The following STAT3 variants were observed in gnomAD, a reference collection of about 807,000 sequenced individuals.
The protein encoded by STAT3 is DNA-binding protein APRF.
STAT3 carries 7 observed loss-of-function variants against 114.3 expected under a neutral mutation model. That is an observed-to-expected ratio of 0.06 (90% confidence interval 0.03 to 0.11). The LOEUF (loss-of-function observed/expected upper bound fraction) is 0.11. STAT3 is among the 10% of genes least tolerant of loss of function. STAT3 has a pLI of 1.00. For missense variants in STAT3, 364 were observed against 960.9 expected (o/e 0.38, Z 8.21); for synonymous variants, 331 against 354.5 (o/e 0.93, Z 0.74).
chr17:42,315,219 T>C lies in STAT3; in HGVS notation c.*526A>G. ...AGTGTTTTTTGCCCTTTAATTGTTA[T>C]TATTTCTTAATTTAAAAAGAAACCT... is the stretch of plus-strand genomic sequence containing the variant. On this transcript the variant is annotated 3_prime_UTR_variant, in exon 24 of 24. Transcript: ENST00000264657. 1 of 250,618 alleles carries C rather than the reference T, an allele frequency of 4.0e-6. No individual in the cohort carries two copies. Among genetic ancestry groups the C allele is most frequent in the African/African-American group, 2.2e-5 (1 of 45,254 alleles). The allele number at this position is 250,618 out of a possible 1,614,324, so 15.5% of individuals were successfully genotyped here.
chr17:42,379,120 G>A (rs1316748109), intron 1 of STAT3, among the ~76,000 whole-genome samples: 1 of 152,072 alleles, frequency 6.6e-6, no homozygotes, highest in Non-Finnish European at 1.5e-5. Context: ...TTCAGAAATG[G>A]CTTCTACAAA....
Position 42,345,549 on chromosome 17 carries a change from C to A in STAT3, c.372+10G>T. ...CCCAGACCAGGGATTTGTTTTGTCT[C>A]AGGTCTCACCTGGGCCGCAGTGGCT... On this transcript the variant is annotated intron_variant, in intron 4 of 23. Transcript: ENST00000264657. 1.3e-6 allele frequency: 2 copies of A among 1,595,428 alleles called. No individual in the cohort carries two copies. The highest frequency in any genetic ancestry group is 2.3e-5 in the East Asian group (1 of 44,040).
At chr17:42,344,679 A>G (rs146534676) in intron 4 of STAT3, among the ~76,000 whole-genome samples, 4,107 of 150,516 alleles carry the variant, frequency 0.027, 86 homozygotes, top group African/African-American at 0.054. Context: ...AGATGGCACC[A>G]CTGCACTCCA....
At chr17:42,323,382 A>G in intron 18 of STAT3, 28 bp from the exon 19 acceptor site, 1 of 1,611,592 alleles carries the variant, frequency 6.2e-7, no homozygotes, top group Non-Finnish European at 8.5e-7. Context: ...GGGAAAGCCA[A>G]GTCTACTGCC....
At chr17:42,356,292 T>C (rs2083221677) in intron 1 of STAT3, among the ~76,000 whole-genome samples, 2 of 151,982 alleles carry the variant, frequency 1.3e-5, no homozygotes, top group South Asian at 4.1e-4. Context: ...CATCCCACTA[T>C]GCAGAACAAA....
chr17:42,365,136 A>C (rs778242605), intron 1 of STAT3, among the ~76,000 whole-genome samples: 2 of 152,208 alleles, frequency 1.3e-5, no homozygotes, highest in African/African-American at 4.8e-5. Flanking sequence ...AGCTAAGTCC[A>C]TAACTGTTCC....
intron 1 of STAT3, among the ~76,000 whole-genome samples, chr17:42,383,972 A>G (rs1018363329): frequency 6.6e-6 from 1 of 152,196 alleles, no homozygotes; most frequent in African/African-American, 2.4e-5. Flanking sequence ...GTCAGACTCC[A>G]GTTAATAACT....
At position 42,323,228 on chromosome 17, in the gene STAT3, G is replaced by A. The variant is rs747111148; in HGVS notation, c.1748+32C>T. 12 of 1,613,942 alleles carry A rather than the reference G, an allele frequency of 7.4e-6. No individual in the cohort carries two copies. The African/African-American group carries it at 8.0e-5, about 11-fold the overall frequency. On this transcript the variant is annotated intron_variant, in intron 19 of 23. Coordinates refer to ENST00000264657, the MANE Select transcript of STAT3 (RefSeq NM_139276.3). ...CTGGCTTGCTGAGAGCAGGGGACTT[G>A]GTTACATCTGTGCACACTCTGTCCA... is the stretch of plus-strand genomic sequence containing the variant.
chr17:42,329,540 C>T lies in STAT3; in HGVS notation c.1233+14G>A, dbSNP rs2144771285. The T allele has an allele frequency of 1.9e-6, 3 of 1,614,108 alleles. No homozygotes were observed. Among genetic ancestry groups the T allele is most frequent in the Non-Finnish European group, 2.5e-6 (3 of 1,179,956 alleles). On this transcript the variant is annotated intron_variant, in intron 13 of 23. Coordinates refer to ENST00000264657, the MANE Select transcript of STAT3 (RefSeq NM_139276.3). ...GCCAGAGGCCCTTTGTGAAGGGGAG[C>T]TCCTCCCACATACCAAGTGTTTGAA...
intron 1 of STAT3, among the ~76,000 whole-genome samples, chr17:42,377,441 T>C (rs1413971614): frequency 2.6e-5 from 4 of 152,158 alleles, no homozygotes; most frequent in Non-Finnish European, 5.9e-5. Flanking sequence ...TTGCATTGAG[T>C]ATTCTCTAAG....
chr17:42,316,482 G>A (rs2081254955), intron 23 of STAT3: 2 of 545,562 alleles, frequency 3.7e-6, no homozygotes, highest in African/African-American at 1.9e-5. Flanking sequence ...GCCTCCCAAA[G>A]TGCTGGGATT....
intron 4 of STAT3, among the ~76,000 whole-genome samples, chr17:42,343,694 C>G (rs577590489): frequency 6.6e-6 from 1 of 152,212 alleles, no homozygotes; most frequent in Admixed American, 6.5e-5. Context: ...ACCTCATGAT[C>G]TGCCCACCTT....
chr17:42,316,191 G>T, intron 23 of STAT3: 1 of 655,248 alleles, frequency 1.5e-6, no homozygotes, highest in Non-Finnish European at 2.1e-6. Flanking sequence ...TAAAGGCTTA[G>T]TATGAAAAAA....
chr17:42,337,183 T>C lies in STAT3; in HGVS notation c.797+252A>G, dbSNP rs2082264347. 6.6e-6 allele frequency among the ~76,000 whole-genome samples: 1 copy of C among 152,162 alleles called. No homozygotes were observed. Among genetic ancestry groups the C allele is most frequent in the Non-Finnish European group, 1.5e-5 (1 of 68,020 alleles). The stretch of plus-strand genomic sequence containing the variant: ...TTTTAGTAGAGATGTGTTTTCACCA[T>C]GTTGGCCAGGCTGGTCTCAAACTCC... On this transcript the variant is annotated intron_variant, in intron 8 of 23. Coordinates refer to ENST00000264657, the MANE Select transcript of STAT3 (RefSeq NM_139276.3). This position sits in a 1 kb window ranked among gnomAD's most constrained non-coding sequence, Gnocchi z 4.0.
intron 21 of STAT3, among the ~76,000 whole-genome samples, chr17:42,320,947 TTGTG>T (rs112139000): frequency 0.24 from 34,534 of 146,808 alleles, 4,318 homozygotes; most frequent in East Asian, 0.36. Flanking sequence ...TTTCTCTTCT[TTGTG>T]TGTGTGTGTG....
intron 1 of STAT3, among the ~76,000 whole-genome samples, chr17:42,361,413 G>GCCT (rs2083500331): frequency 1.3e-5 from 2 of 151,736 alleles, no homozygotes; most frequent in African/African-American, 4.8e-5. Flanking sequence ...AACCCGGGAG[G>GCCT]CGGAGGTTGC....
chr17:42,355,746 T>G (rs2145100036), intron 1 of STAT3, among the ~76,000 whole-genome samples: 1 of 152,320 alleles, frequency 6.6e-6, no homozygotes, highest in South Asian at 2.1e-4. Flanking sequence ...CTCATTTATA[T>G]ACTTGAATCT....
At chr17:42,331,805 G>A (rs1027437442) in intron 10 of STAT3, among the ~76,000 whole-genome samples, 8 of 152,120 alleles carry the variant, frequency 5.3e-5, no homozygotes, top group African/African-American at 1.9e-4. Flanking sequence ...GCATGTACCT[G>A]TAGTCGCAGT....
At chr17:42,366,178 A>ACCC (rs1206374370) in intron 1 of STAT3, among the ~76,000 whole-genome samples, 4 of 151,774 alleles carry the variant, frequency 2.6e-5, no homozygotes, top group Non-Finnish European at 5.9e-5. Context: ...TCCAAAGCCA[A>ACCC]CCCCTTCATT....
Sources: allele counts gnomAD v4.1 joint callset (sites outside exome capture counted in the v4.1 genomes callset), GRCh38; gene constraint gnomAD v4.1.1; non-coding constraint Gnocchi (gnomAD v3.1); transcripts MANE v1.5; gene names NCBI Gene and HGNC (gene_info 2026-07-23, HGNC 2026-07-21).